The following ELAVL2 variants were observed in gnomAD, a reference collection of about 807,000 sequenced individuals.
ELAVL2 encodes ELAV like RNA binding protein 2.
In ELAVL2, 4 loss-of-function variants were observed where a neutral mutation model predicts 34.6. The observed-to-expected ratio is 0.12, with a 90% CI of 0.06 to 0.26. The LOEUF (loss-of-function observed/expected upper bound fraction) is 0.26. Ranked by LOEUF, ELAVL2 falls within the 10% of genes least tolerant of loss-of-function variation. The pLI, the probability that ELAVL2 is intolerant of heterozygous loss-of-function variation, is 1.00. For missense variants in ELAVL2, 432 were observed against 442.8 expected (o/e 0.98, Z 0.22); for synonymous variants, 193 against 154.8 (o/e 1.25, Z -1.83).
intron 3 of ELAVL2, among the ~76,000 whole-genome samples, chr9:23,714,663 G>C (rs1411882470): frequency 6.6e-6 from 1 of 152,216 alleles, no homozygotes; most frequent in South Asian, 2.1e-4. Flanking sequence ...GATTCTTTTG[G>C]ATAGACAGTA....
At chr9:23,763,250 T>TG (rs1358752598) in intron 1 of ELAVL2, among the ~76,000 whole-genome samples, 1 of 152,144 alleles carries the variant, frequency 6.6e-6, no homozygotes, top group Non-Finnish European at 1.5e-5. Context: ...GGCCTCAAAC[T>TG]GTTCAGGCTA....
At chr9:23,849,929 G>A in the ELAVL2 span, 1 of 152,092 alleles carries the variant, frequency 6.6e-6, no homozygotes, top group Non-Finnish European at 1.5e-5. Context: ...ATATTGCTTT[G>A]TCATGCTTTT....
At chr9:23,744,317 C>A (rs2135330907) in intron 2 of ELAVL2, among the ~76,000 whole-genome samples, 1 of 152,276 alleles carries the variant, frequency 6.6e-6, no homozygotes, top group African/African-American at 2.4e-5. Flanking sequence ...ATTACAAGTA[C>A]ACCACTCGAA....
chr9:23,763,001 C>A (rs2055394092), intron 1 of ELAVL2, among the ~76,000 whole-genome samples: 1 of 152,054 alleles, frequency 6.6e-6, no homozygotes, highest in African/African-American at 2.4e-5. Context: ...GGTGACTGAT[C>A]TACAACATCA....
chr9:23,696,311 A>G (rs2035191111), intron 5 of ELAVL2, among the ~76,000 whole-genome samples: 1 of 152,058 alleles, frequency 6.6e-6, no homozygotes, highest in Non-Finnish European at 1.5e-5. Flanking sequence ...GGTGCTCTAC[A>G]TGGGCACCAT....
At chr9:23,799,816 A>C (rs1409548779) in intron 1 of ELAVL2, among the ~76,000 whole-genome samples, 1 of 152,142 alleles carries the variant, frequency 6.6e-6, no homozygotes, top group East Asian at 1.9e-4. Flanking sequence ...AAAACCCTGA[A>C]AGGGCTCTAT....
At chr9:23,698,487 G>A (rs1300891540) in intron 5 of ELAVL2, among the ~76,000 whole-genome samples, 2 of 152,026 alleles carry the variant, frequency 1.3e-5, no homozygotes, top group Non-Finnish European at 2.9e-5. Context: ...ATTATTAAAA[G>A]TATTCTTGAC....
chr9:23,786,470 A>G (rs1215222846), intron 1 of ELAVL2, among the ~76,000 whole-genome samples: 2 of 152,152 alleles, frequency 1.3e-5, no homozygotes, highest in Non-Finnish European at 1.5e-5. Context: ...TATCAGAAGA[A>G]TAACAATGAA....
At chr9:23,704,603 A>T (rs1301996513) in intron 4 of ELAVL2, among the ~76,000 whole-genome samples, 1 of 152,150 alleles carries the variant, frequency 6.6e-6, no homozygotes, top group Non-Finnish European at 1.5e-5. Flanking sequence ...AGTACTCTAT[A>T]AGCAGGATGG....
intron 1 of ELAVL2, among the ~76,000 whole-genome samples, chr9:23,808,812 A>C (rs138397246): frequency 6.6e-6 from 1 of 152,152 alleles, no homozygotes; most frequent in Admixed American, 6.5e-5. Context: ...TTATGGGTAA[A>C]GTTCCAGAAA....
intron 4 of ELAVL2, 142 bp from the exon 5 acceptor site, chr9:23,701,746 GA>G: frequency 1.1e-6 from 1 of 920,592 alleles, no homozygotes; most frequent in Non-Finnish European, 1.6e-6. Flanking sequence ...ACACCAGGAG[GA>G]AACTTTCCCC....
intron 4 of ELAVL2, among the ~76,000 whole-genome samples, chr9:23,703,040 A>G (rs2038014850): frequency 6.6e-6 from 1 of 150,546 alleles, no homozygotes; most frequent in Non-Finnish European, 1.5e-5. Context: ...AGCATACCTA[A>G]GAACAACCTG....
intron 1 of ELAVL2, among the ~76,000 whole-genome samples, chr9:23,799,163 A>AT (rs991096586): frequency 6.2e-4 from 94 of 152,232 alleles, no homozygotes; most frequent in African/African-American, 2.2e-3. Context: ...GCTTTTTAAA[A>AT]TTTTTTTCCA....
At chr9:23,734,626 A>G (rs1004747852) in intron 2 of ELAVL2, among the ~76,000 whole-genome samples, 1 of 152,094 alleles carries the variant, frequency 6.6e-6, no homozygotes, top group Non-Finnish European at 1.5e-5. Flanking sequence ...TTTACCGCAA[A>G]AGTTGTTTCT....
At chr9:23,819,049 G>C (rs1284882418) in intron 1 of ELAVL2, among the ~76,000 whole-genome samples, 2 of 152,204 alleles carry the variant, frequency 1.3e-5, no homozygotes, top group African/African-American at 4.8e-5. Context: ...GAGAACCTAA[G>C]ACTTGCTTCT....
intron 3 of ELAVL2, among the ~76,000 whole-genome samples, chr9:23,724,669 T>A (rs1376766079): frequency 6.6e-6 from 1 of 152,156 alleles, no homozygotes; most frequent in South Asian, 2.1e-4. Flanking sequence ...ATAGAAGCAT[T>A]TTATTTAAAT....
chr9:23,748,932 T>A (rs184256288), intron 2 of ELAVL2, among the ~76,000 whole-genome samples: 1 of 152,076 alleles, frequency 6.6e-6, no homozygotes, highest in Admixed American at 6.6e-5. Flanking sequence ...AATAGGCAAA[T>A]TCATAGAGAC....
intron 2 of ELAVL2, among the ~76,000 whole-genome samples, chr9:23,736,537 C>T (rs969978088): frequency 2.0e-5 from 3 of 152,142 alleles, no homozygotes; most frequent in African/African-American, 7.2e-5. Context: ...AGGCCCTATC[C>T]TGCAGGTAAC....
chr9:23,768,330 A>G (rs1255211438), intron 1 of ELAVL2, among the ~76,000 whole-genome samples: 1 of 151,914 alleles, frequency 6.6e-6, no homozygotes, highest in Non-Finnish European at 1.5e-5. Flanking sequence ...CCCCATCTCC[A>G]TTTCAGGGGT....
Sources: allele counts gnomAD v4.1 joint callset (sites outside exome capture counted in the v4.1 genomes callset), GRCh38; gene constraint gnomAD v4.1.1; transcripts MANE v1.5; gene names NCBI Gene and HGNC (gene_info 2026-07-23, HGNC 2026-07-21).